CABIN1: variants seen among roughly 807,000 people sequenced by gnomAD.
The protein encoded by CABIN1 is calcineurin-binding protein cabin-1.
Under a neutral mutation model 227.7 loss-of-function variants are expected in CABIN1, and 133 were observed. The ratio of observed to expected loss-of-function variants is 0.58; its 90% confidence interval spans 0.51 to 0.67. The LOEUF is 0.67. CABIN1 is among the 30% of genes least tolerant of loss of function. CABIN1 has a pLI of 0.00. For missense variants in CABIN1, 2,408 were observed against 2,852.5 expected, an observed-to-expected ratio of 0.84 and a Z score of 3.55; for synonymous variants, 1,086 against 1,155.1, an observed-to-expected ratio of 0.94 and a Z score of 1.21.
rs143693200 is a variant in CABIN1, at chr22:24,124,290, A to T, written c.4632+4592A>T. Reference sequence around the variant, plus strand: ...CCTCAGCCAACAATCCTTCTCACCCATATAGTGAGACCCATTTCTTCAGTG... The same window carrying T: ...CCTCAGCCAACAATCCTTCTCACCCTTATAGTGAGACCCATTTCTTCAGTG... On this transcript the variant is annotated intron_variant, in intron 28 of 36. Transcript: ENST00000263119. Among the ~76,000 whole-genome samples the T allele has an allele frequency of 8.7e-3, 1,325 of 152,324 alleles. 20 individuals carry two copies. The highest frequency in any genetic ancestry group is 0.03 in the African/African-American group (1,242 of 41,580).
At chr22:24,021,173 T>TTTTATTTA in intron 1 of CABIN1, among the ~76,000 whole-genome samples, 1 of 151,700 alleles carries the variant, frequency 6.6e-6, no homozygotes, top group African/African-American at 2.4e-5. Context: ...CTAATTTTTA[T>TTTTATTTA]TTTATTTATT....
chr22:24,011,738 G>C (rs1190778635), intron 1 of CABIN1: 1 of 152,316 alleles, frequency 6.6e-6, no homozygotes, highest in African/African-American at 2.4e-5. Context: ...GGTGAGTGTT[G>C]TTATTGGTGC....
At chr22:24,067,935 C>G (rs770441457) in intron 16 of CABIN1, among the ~76,000 whole-genome samples, 1 of 152,088 alleles carries the variant, frequency 6.6e-6, no homozygotes, top group East Asian at 1.9e-4. Flanking sequence ...GAAGATAATA[C>G]GCAAAATATG....
intron 4 of CABIN1, 30 bp from the exon 5 acceptor site, chr22:24,041,109 G>C (rs759734925): frequency 9.3e-6 from 15 of 1,613,976 alleles, no homozygotes; most frequent in Non-Finnish European, 1.2e-5. Context: ...TCAAGGTCTA[G>C]TTGTCACTTC....
intron 32 of CABIN1, 100 bp from the exon 33 acceptor site, chr22:24,168,347 C>A: frequency 1.7e-6 from 2 of 1,194,316 alleles, no homozygotes; most frequent in Non-Finnish European, 2.4e-6. Flanking sequence ...ACAGGGCATG[C>A]CCCCTACCTA....
chr22:24,083,154 TCTGGGGCCCTGCTGTGA>T (rs2147042976), intron 19 of CABIN1, 57 bp from the exon 20 acceptor site: 4 of 1,506,086 alleles, frequency 2.7e-6, no homozygotes, highest in Middle Eastern at 2.4e-4. Flanking sequence ...TGGTGGTTTC[TCTGGGGCCCTGCTGTGA>T]CAGGGAGGCA....
intron 24 of CABIN1, 169 bp downstream of exon 24, chr22:24,092,012 T>A: frequency 2.6e-6 from 2 of 760,324 alleles, no homozygotes; most frequent in Non-Finnish European, 2.1e-6. Flanking sequence ...TTTCCTCTCT[T>A]TTCCCAAGGG....
At position 24,165,661 on chromosome 22, in the gene CABIN1, C is replaced by T. The variant is rs1172787586; in HGVS notation, c.5007+35C>T. ...CTGTGTCCTCCTCTCCTCCACGGCCCATGAACACGCTTCCAAGCCCTTCCC... is the reference window on the plus strand; with the variant it reads ...CTGTGTCCTCCTCTCCTCCACGGCCTATGAACACGCTTCCAAGCCCTTCCC... On this transcript the variant is annotated intron_variant, in intron 31 of 36. Transcript: ENST00000263119. 13 of 1,556,660 alleles carry T rather than the reference C, an allele frequency of 8.4e-6. No individual in the cohort carries two copies. The Admixed American group carries it at 2.1e-4, about 25-fold the overall frequency.
intron 19 of CABIN1, among the ~76,000 whole-genome samples, chr22:24,079,360 C>T (rs956831104): frequency 1.1e-4 from 16 of 152,114 alleles, no homozygotes; most frequent in African/African-American, 2.4e-4. Flanking sequence ...TTATGGTTAA[C>T]GTCCACCAAG....
chr22:24,049,741 A>G (rs1415610219), intron 7 of CABIN1, among the ~76,000 whole-genome samples: 5 of 151,966 alleles, frequency 3.3e-5, no homozygotes, highest in Non-Finnish European at 7.4e-5. Flanking sequence ...AGACTGCCCC[A>G]AGTCCCTTGC....
chr22:24,057,976 C>G (rs1416277039), intron 10 of CABIN1, among the ~76,000 whole-genome samples: 1 of 152,162 alleles, frequency 6.6e-6, no homozygotes, highest in Admixed American at 6.5e-5. Flanking sequence ...TTTCGACTTT[C>G]TTTTTAATCT....
At chr22:24,088,586 C>T (rs766459089) in intron 23 of CABIN1, among the ~76,000 whole-genome samples, 12 of 151,518 alleles carry the variant, frequency 7.9e-5, no homozygotes, top group Non-Finnish European at 1.0e-4. Flanking sequence ...CCAGCCTGGG[C>T]GACAGAGTGA....
intron 18 of CABIN1, among the ~76,000 whole-genome samples, chr22:24,072,896 C>T (rs1224786803): frequency 6.6e-6 from 1 of 152,248 alleles, no homozygotes. Context: ...AGCACAGGTT[C>T]CACATCCCAA....
At chr22:24,102,099 TGG>T (rs1191309826) in intron 26 of CABIN1, 1 of 152,202 alleles carries the variant, frequency 6.6e-6, no homozygotes, top group African/African-American at 2.4e-5. Context: ...CAAGAGATAC[TGG>T]GTCTGAATCT....
At chr22:24,171,056 G>A (rs896813424) in intron 33 of CABIN1, among the ~76,000 whole-genome samples, 11 of 152,332 alleles carry the variant, frequency 7.2e-5, no homozygotes, top group Admixed American at 7.2e-4. Context: ...AACCCCAAAA[G>A]GGCCTCATGG....
intron 29 of CABIN1, among the ~76,000 whole-genome samples, chr22:24,137,261 T>C (rs2044479359): frequency 6.6e-6 from 1 of 152,234 alleles, no homozygotes; most frequent in South Asian, 2.1e-4. Context: ...TCAGCCTTTC[T>C]AATGATAAAG....
intron 29 of CABIN1, among the ~76,000 whole-genome samples, chr22:24,135,330 C>T (rs1392057463): frequency 6.6e-6 from 1 of 151,892 alleles, no homozygotes; most frequent in Non-Finnish European, 1.5e-5. Flanking sequence ...GTGGAGGTTG[C>T]AGTGAGCCGA....
Position 24,084,598 on chromosome 22 carries a change from A to G in CABIN1, c.2930A>G (p.Asp977Gly), listed in dbSNP as rs372502943. Residue 977 changes from aspartate (D) to glycine (G), a missense_variant, in exon 21 of 37, where the codon GAT (aspartate) becomes GGT (glycine). By Grantham distance (94) the Asp-to-Gly change is moderately conservative (BLOSUM62 -1). This residue lies in a region of CABIN1 where 649 missense variants were observed against 910.3 expected (regional missense o/e 0.71). Coordinates refer to ENST00000263119, the MANE Select transcript of CABIN1 (RefSeq NM_012295.4). ...SAQQVDLIWE[D>G]ALFMFEYFKP... ...TTCAAGGTGGATCTTATATGGGAGGATGCACTGTTCATGTTTGAGTATTTT... is the reference window on the plus strand; with the variant it reads ...TTCAAGGTGGATCTTATATGGGAGGGTGCACTGTTCATGTTTGAGTATTTT... 1.2e-6 allele frequency: 2 copies of G among 1,612,976 alleles called. No individual in the cohort carries two copies. The highest frequency in any genetic ancestry group is 1.7e-6 in the Non-Finnish European group (2 of 1,179,702).
intron 16 of CABIN1, among the ~76,000 whole-genome samples, chr22:24,067,613 C>A (rs2282476): frequency 0.3 from 45,742 of 152,174 alleles, 8,387 homozygotes; most frequent in Non-Finnish European, 0.39. Context: ...TAACACTAGC[C>A]TTATGTTTGA....
Sources: allele counts gnomAD v4.1 joint callset (sites outside exome capture counted in the v4.1 genomes callset), GRCh38; gene constraint gnomAD v4.1.1; regional missense constraint gnomAD v4.1.1; transcripts MANE v1.5; gene names NCBI Gene and HGNC (gene_info 2026-07-23, HGNC 2026-07-21).